DLC1: variants seen among roughly 807,000 people sequenced by gnomAD.
The protein encoded by DLC1 is DLC1 Rho GTPase activating protein.
A neutral mutation model predicts 140.3 loss-of-function variants in DLC1; 54 were observed. The observed-to-expected ratio is 0.38, with a 90% confidence interval of 0.31 to 0.48. DLC1 has a LOEUF of 0.48. DLC1 is among the 20% of genes least tolerant of loss of function. DLC1 has a pLI of 0.96. For synonymous variants in DLC1, 986 were observed against 728.1 expected (o/e 1.35, Z -5.70); for missense variants, 2,536 against 1,907.0 (o/e 1.33, Z -6.14).
At chr8:13,273,499 C>G (rs1041763906) in intron 5 of DLC1, among the ~76,000 whole-genome samples, 2 of 152,218 alleles carry the variant, frequency 1.3e-5, no homozygotes, top group African/African-American at 4.8e-5. Context: ...GTAAGACAAT[C>G]TGATCTGTCC....
chr8:13,476,653 T>G (rs184321822), intron 2 of DLC1, among the ~76,000 whole-genome samples: 1 of 152,302 alleles, frequency 6.6e-6, no homozygotes, highest in Non-Finnish European at 1.5e-5. Context: ...GTTAGAGTTA[T>G]GAAAGTTTTT....
intron 1 of DLC1, among the ~76,000 whole-genome samples, chr8:13,592,049 G>T (rs974304568): frequency 6.6e-6 from 1 of 152,048 alleles, no homozygotes; most frequent in Middle Eastern, 3.2e-3. Flanking sequence ...ACTGGGTAAG[G>T]TCCTAGGGAA....
chr8:13,516,587 A>T (rs1802595740), upstream of DLC1, among the ~76,000 whole-genome samples: 1 of 152,200 alleles, frequency 6.6e-6, no homozygotes, highest in Non-Finnish European at 1.5e-5. Context: ...GAGTTTGAAG[A>T]TGAGAAGTAG....
chr8:13,334,393 T>A (rs1035046769), intron 4 of DLC1, among the ~76,000 whole-genome samples: 1 of 151,970 alleles, frequency 6.6e-6, no homozygotes, highest in African/African-American at 2.4e-5. Context: ...TGGAGGAGTT[T>A]TATGTTGGCA....
intron 4 of DLC1, among the ~76,000 whole-genome samples, chr8:13,344,964 G>C (rs1313092649): frequency 1.3e-5 from 2 of 152,142 alleles, no homozygotes; most frequent in African/African-American, 4.8e-5. Context: ...AGGGGATAAA[G>C]GGGAACGATA....
intron 5 of DLC1, among the ~76,000 whole-genome samples, chr8:13,183,254 T>C (rs1395726024): frequency 1.3e-5 from 2 of 152,222 alleles, no homozygotes; most frequent in African/African-American, 4.8e-5. Flanking sequence ...AATCATGTCA[T>C]CTGCAAACAG....
intron 1 of DLC1, among the ~76,000 whole-genome samples, chr8:13,507,773 A>G (rs192395298): frequency 1.7e-4 from 26 of 152,326 alleles, no homozygotes; most frequent in Admixed American, 3.3e-4. Context: ...TCTGGAAAGC[A>G]TCAAAAACTT....
intron 4 of DLC1, among the ~76,000 whole-genome samples, chr8:13,381,817 G>A (rs1408159820): frequency 6.6e-6 from 1 of 152,116 alleles, no homozygotes; most frequent in Non-Finnish European, 1.5e-5. Context: ...ATTAAATTAA[G>A]GGGGATTTGT....
chr8:13,377,137 A>T (rs7463684), intron 4 of DLC1, among the ~76,000 whole-genome samples: 1 of 152,162 alleles, frequency 6.6e-6, no homozygotes, highest in African/African-American at 2.4e-5. Context: ...GGCTAAAGGT[A>T]TCCACTCAGT....
intron 2 of DLC1, among the ~76,000 whole-genome samples, chr8:13,405,067 T>C (rs2117267734): frequency 6.6e-6 from 1 of 152,006 alleles, no homozygotes; most frequent in Admixed American, 6.6e-5. Context: ...TTAGTAGTGG[T>C]TCCTTTTGCT....
chr8:13,167,433 C>T (rs186852337), intron 5 of DLC1, among the ~76,000 whole-genome samples: 6 of 152,202 alleles, frequency 3.9e-5, no homozygotes, highest in African/African-American at 9.6e-5. Flanking sequence ...TGGATTTAGC[C>T]GAGGTCCTTT....
At chr8:13,365,728 C>A (rs73205714) in intron 4 of DLC1, among the ~76,000 whole-genome samples, 19,672 of 151,776 alleles carry the variant, frequency 0.13, 1,416 homozygotes, top group Non-Finnish European at 0.16. Context: ...GTGGGGAGAG[C>A]GGAATGTGAG....
intron 4 of DLC1, among the ~76,000 whole-genome samples, chr8:13,387,854 C>T (rs1053000004): frequency 2.0e-5 from 3 of 152,012 alleles, no homozygotes; most frequent in Non-Finnish European, 2.9e-5. Context: ...GTAGCAAAGA[C>T]GTTCGCATGT....
chr8:13,304,417 A>G (rs1257547261), intron 5 of DLC1, among the ~76,000 whole-genome samples: 1 of 152,224 alleles, frequency 6.6e-6, no homozygotes, highest in Non-Finnish European at 1.5e-5. Flanking sequence ...CAAACTAGGA[A>G]AATTCTGTGT....
chr8:13,457,755 A>T (rs960043311), intron 2 of DLC1, among the ~76,000 whole-genome samples: 1 of 151,852 alleles, frequency 6.6e-6, no homozygotes, highest in African/African-American at 2.4e-5. Context: ...GTTTAGTTCA[A>T]TGATGCAATT....
chr8:13,169,564 C>T (rs1382649450), intron 5 of DLC1, among the ~76,000 whole-genome samples: 1 of 152,148 alleles, frequency 6.6e-6, no homozygotes, highest in African/African-American at 2.4e-5. Flanking sequence ...GGTTTCAGTT[C>T]ACCCTTGAGC....
intron 4 of DLC1, among the ~76,000 whole-genome samples, chr8:13,309,620 T>C (rs1219827591): frequency 1.3e-5 from 2 of 152,182 alleles, no homozygotes; most frequent in Admixed American, 6.5e-5. Flanking sequence ...ATGTGAAAGA[T>C]GGTTGGGGAA....
chr8:13,283,242 C>T (rs556121001), intron 5 of DLC1, among the ~76,000 whole-genome samples: 2 of 151,108 alleles, frequency 1.3e-5, no homozygotes, highest in East Asian at 2.0e-4. Context: ...TGAATGTTTC[C>T]GTAAAAAGCT....
intron 4 of DLC1, among the ~76,000 whole-genome samples, chr8:13,352,513 C>T (rs1033953745): frequency 5.9e-5 from 9 of 151,968 alleles, no homozygotes; most frequent in African/African-American, 2.2e-4. Flanking sequence ...TCGCAAGTAG[C>T]TGGGACTACA....
Sources: allele counts gnomAD v4.1 joint callset (sites outside exome capture counted in the v4.1 genomes callset), GRCh38; gene constraint gnomAD v4.1.1; transcripts MANE v1.5; gene names NCBI Gene and HGNC (gene_info 2026-07-23, HGNC 2026-07-21).